CYRIA: variants seen among roughly 807,000 people sequenced by gnomAD.
The protein encoded by CYRIA is CYFIP-related Rac1 interactor A.
Under a neutral mutation model 43.9 loss-of-function variants are expected in CYRIA, and 15 were observed. The observed-to-expected ratio is 0.34, with a 90% CI of 0.23 to 0.53. CYRIA has a LOEUF of 0.53. CYRIA is among the 20% of genes least tolerant of loss of function. CYRIA has a pLI of 0.94. For synonymous variants in CYRIA, 117 were observed against 136.0 expected, an observed-to-expected ratio of 0.86 and a Z score of 0.97; for missense variants, 236 against 394.2, an observed-to-expected ratio of 0.60 and a Z score of 3.40.
chr2:16,554,776 T>C (rs926112032), intron 11 of CYRIA, among the ~76,000 whole-genome samples: 4 of 152,176 alleles, frequency 2.6e-5, no homozygotes, highest in Admixed American at 2.6e-4. Flanking sequence ...GCAGTGTGGC[T>C]GAGAATCAGG....
intron 1 of CYRIA, among the ~76,000 whole-genome samples, chr2:16,624,988 C>CT (rs1397544797): frequency 2.0e-5 from 3 of 152,202 alleles, no homozygotes; most frequent in Non-Finnish European, 4.4e-5. Context: ...CCTAAATCTA[C>CT]TTTTTGCTAT....
At position 16,623,625 on chromosome 2, in the gene CYRIA, C is replaced by T. The variant is rs183957328; in HGVS notation, c.-11+239G>A. Among the ~76,000 whole-genome samples the T allele has an allele frequency of 3.7e-3, 566 of 152,252 alleles. 3 individuals are homozygous for T. Among genetic ancestry groups the T allele is most frequent in the Non-Finnish European group, 6.5e-3 (445 of 68,022 alleles). On this transcript the variant is annotated intron_variant, in intron 2 of 11. Coordinates refer to ENST00000381323, the MANE Select transcript of CYRIA (RefSeq NM_030797.4). Reference sequence around the variant, plus strand: ...GAAAAAGGAACCTAGATCTACAGCTCGACTCTGTTCTTCCCCTGCATGTAA... The same window carrying T: ...GAAAAAGGAACCTAGATCTACAGCTTGACTCTGTTCTTCCCCTGCATGTAA...
chr2:16,577,865 C>G (rs529435256), intron 3 of CYRIA, among the ~76,000 whole-genome samples: 1 of 152,350 alleles, frequency 6.6e-6, no homozygotes, highest in Admixed American at 6.5e-5. Context: ...TCAGTCTTAT[C>G]TAAGGGTGAA....
rs1476239116 is a variant in CYRIA at position 16,650,355 on chromosome 2, G to A, written c.-167+15425C>T. ...AAAGAGGAGCAAAGCTATATACTCA[G>A]CTGAATGAGTATATAGTATAAAACA... On this transcript the variant is annotated intron_variant, in intron 1 of 11. Coordinates refer to ENST00000381323, the MANE Select transcript of CYRIA (RefSeq NM_030797.4). The surrounding 1 kb of genome is among the most constrained non-coding windows in gnomAD (Gnocchi z 4.1). Among the ~76,000 whole-genome samples, 3 of 152,200 alleles carry A rather than the reference G, an allele frequency of 2.0e-5. No individual in the cohort carries two copies. Among genetic ancestry groups the A allele is most frequent in the Admixed American group, 6.5e-5 (1 of 15,278 alleles).
chr2:16,631,954 A>C (rs377643190), intron 1 of CYRIA, among the ~76,000 whole-genome samples: 8 of 152,318 alleles, frequency 5.3e-5, no homozygotes, highest in Admixed American at 6.5e-5. Flanking sequence ...ATGTACCCAA[A>C]GGCCACATGG....
chr2:16,619,262 T>A (rs185313965), intron 2 of CYRIA, among the ~76,000 whole-genome samples: 2 of 152,256 alleles, frequency 1.3e-5, no homozygotes, highest in Non-Finnish European at 2.9e-5. Context: ...CTAGAATAAA[T>A]TCTACATAAT....
At chr2:16,605,163 CA>C (rs1668354646) in intron 2 of CYRIA, among the ~76,000 whole-genome samples, 2 of 151,352 alleles carry the variant, frequency 1.3e-5, no homozygotes, top group African/African-American at 4.9e-5. Context: ...TGGAATTGAA[CA>C]ATTAAGTGCA....
At chr2:16,663,586 G>T (rs1478273414) in intron 1 of CYRIA, among the ~76,000 whole-genome samples, 3 of 151,748 alleles carry the variant, frequency 2.0e-5, no homozygotes, top group African/African-American at 7.3e-5. Context: ...GCTTGGGAGG[G>T]TCTACTTGAC....
intron 2 of CYRIA, among the ~76,000 whole-genome samples, chr2:16,608,082 C>T (rs1280787087): frequency 6.6e-6 from 1 of 152,134 alleles, no homozygotes; most frequent in East Asian, 1.9e-4. Context: ...CACTCCTCCT[C>T]ACTCCTCCCC....
chr2:16,630,528 C>A (rs1467089994), intron 1 of CYRIA, among the ~76,000 whole-genome samples: 1 of 152,156 alleles, frequency 6.6e-6, no homozygotes, highest in African/African-American at 2.4e-5. Flanking sequence ...AAGGTGAGTG[C>A]ACCCATGTTC....
rs1667457227 is a variant in CYRIA, at chr2:16,579,138, C to T, written c.70+8912G>A. Among the ~76,000 whole-genome samples the T allele has an allele frequency of 2.0e-5, 3 of 152,188 alleles. 1 individual carries two copies. In the South Asian group the frequency reaches 6.2e-4, roughly 32 times the overall value. ...AGTGCTTTAAGAAAAACAAAGCAAA[C>T]AATAACTGCAACTCCAAAATCCCCC... is the stretch of plus-strand genomic sequence containing the variant. On this transcript the variant is annotated intron_variant, in intron 3 of 11. Coordinates refer to ENST00000381323, the MANE Select transcript of CYRIA (RefSeq NM_030797.4).
intron 2 of CYRIA, among the ~76,000 whole-genome samples, chr2:16,602,423 A>G (rs1188225461): frequency 6.6e-6 from 1 of 152,150 alleles, no homozygotes; most frequent in Non-Finnish European, 1.5e-5. Flanking sequence ...CACCAATAAC[A>G]TATATTTATA....
At chr2:16,641,104 C>A (rs186401787) in intron 1 of CYRIA, among the ~76,000 whole-genome samples, 8 of 152,286 alleles carry the variant, frequency 5.3e-5, no homozygotes, top group African/African-American at 1.9e-4. Flanking sequence ...CTAATTTAGG[C>A]CCTTATTATC....
At chr2:16,636,836 C>T (rs1669510702) in intron 1 of CYRIA, among the ~76,000 whole-genome samples, 1 of 152,026 alleles carries the variant, frequency 6.6e-6, no homozygotes, top group South Asian at 2.1e-4. Flanking sequence ...ATTAGCTGGG[C>T]ATGGTGGCAT....
At chr2:16,628,939 G>A (rs75836086) in intron 1 of CYRIA, among the ~76,000 whole-genome samples, 12,819 of 152,206 alleles carry the variant, frequency 0.084, 1,095 homozygotes, top group African/African-American at 0.22. Flanking sequence ...AGAAGGCAGG[G>A]TGTCACTAAT....
chr2:16,590,122 T>C (rs1260074599), intron 2 of CYRIA, among the ~76,000 whole-genome samples: 3 of 152,122 alleles, frequency 2.0e-5, no homozygotes, highest in Non-Finnish European at 4.4e-5. Flanking sequence ...TATTTCTCTC[T>C]TCTCAAAGAT....
intron 1 of CYRIA, among the ~76,000 whole-genome samples, chr2:16,658,114 A>G (rs1670164337): frequency 6.6e-6 from 1 of 152,234 alleles, no homozygotes; most frequent in South Asian, 2.1e-4. Flanking sequence ...TAGTGCATGT[A>G]CAGTGCTTGA....
At chr2:16,640,568 T>C (rs115396032) in intron 1 of CYRIA, among the ~76,000 whole-genome samples, 2,459 of 152,324 alleles carry the variant, frequency 0.016, 61 homozygotes, top group African/African-American at 0.054. Flanking sequence ...ATCTGGTTGC[T>C]TGGCCTTTCC....
chr2:16,588,236 GC>G (rs1667803148), intron 2 of CYRIA, 107 bp from the exon 3 acceptor site: 1 of 623,912 alleles, frequency 1.6e-6, no homozygotes, highest in Admixed American at 3.0e-5. Context: ...CAGAAAGAGA[GC>G]ATCTCCAACC....
Sources: allele counts gnomAD v4.1 joint callset (sites outside exome capture counted in the v4.1 genomes callset), GRCh38; gene constraint gnomAD v4.1.1; non-coding constraint Gnocchi (gnomAD v3.1); transcripts MANE v1.5; gene names NCBI Gene and HGNC (gene_info 2026-07-23, HGNC 2026-07-21).